MDN1: variants seen among roughly 807,000 people sequenced by gnomAD.
MDN1 encodes the protein midasin AAA ATPase 1, also known as midasin.
MDN1 carries 266 observed loss-of-function variants against 669.2 expected under a neutral mutation model. That is an observed-to-expected ratio of 0.40 (90% CI 0.36 to 0.44). The LOEUF (loss-of-function observed/expected upper bound fraction) is 0.44, where lower values mean the gene tolerates loss of function less well. Ranked by LOEUF, MDN1 falls within the 20% of genes least tolerant of loss-of-function variation. MDN1 has a pLI of 1.00. For missense variants in MDN1, 5,940 were observed against 6,754.0 expected, an observed-to-expected ratio of 0.88 and a Z score of 4.22; for synonymous variants, 2,385 against 2,457.1, an observed-to-expected ratio of 0.97 and a Z score of 0.87.
intron 38 of MDN1, among the ~76,000 whole-genome samples, chr6:89,724,034 T>C (rs1815025601): frequency 6.6e-6 from 1 of 151,662 alleles, no homozygotes; most frequent in East Asian, 2.0e-4. Flanking sequence ...TCTCAGCTAC[T>C]CAGGAGGCTG....
chr6:89,780,184 C>T (rs758573537), intron 11 of MDN1, 28 bp downstream of exon 11: 2 of 1,359,574 alleles, frequency 1.5e-6, no homozygotes, highest in South Asian at 1.4e-5. Context: ...AGAACCAAGA[C>T]AAAAAAGACT....
chr6:89,685,712 A>C, intron 70 of MDN1, 115 bp downstream of exon 70: 1 of 1,116,574 alleles, frequency 9.0e-7, no homozygotes, highest in South Asian at 1.6e-5. Context: ...AACATAACTA[A>C]ATGTGTCTTG....
chr6:89,706,120 G>A lies in MDN1; in HGVS notation c.8087C>T (p.Ala2696Val), dbSNP rs140674096. ...GGACTGTACCCAGAGCAGGACTAGT[G>A]CATCACAAAGTTCAAAAAAAGCAGC... ...NLAAFFELCD[A>V]LVLLWVQSSQ... Residue 2696 changes from alanine to valine, a missense_variant, in exon 53 of 102, where the codon GCA becomes GTA. Physicochemically the swap from Ala to Val is moderately conservative, Grantham distance 64. Coordinates refer to ENST00000369393, the MANE Select transcript of MDN1 (RefSeq NM_014611.3). 1.4e-5 allele frequency: 23 copies of A among 1,613,312 alleles called. No homozygotes were observed. Among genetic ancestry groups the A allele is most frequent in the African/African-American group, 5.3e-5 (4 of 74,888 alleles).
At chr6:89,729,275 C>T (rs1267135523) in intron 35 of MDN1, 136 bp from the exon 36 acceptor site, 2 of 690,446 alleles carry the variant, frequency 2.9e-6, no homozygotes, top group Non-Finnish European at 4.8e-6. Context: ...AATGTTCAAT[C>T]CCTATTTCAA....
chr6:89,799,025 G>A (rs1767460924), intron 2 of MDN1, among the ~76,000 whole-genome samples: 1 of 152,168 alleles, frequency 6.6e-6, no homozygotes, highest in South Asian at 2.1e-4. Context: ...TTCTTGGAGA[G>A]GAAGAAAAGT....
At position 89,662,145 on chromosome 6, in the gene MDN1, T is replaced by G. The variant is rs1465485671; in HGVS notation, c.14507A>C (p.Glu4836Ala). Reference sequence around the variant, plus strand: ...TTGTCCACCATCATCAGCTTCTGCTTCTTCCTTTTCTTCCTTCTTATCTTG... The same window carrying G: ...TTGTCCACCATCATCAGCTTCTGCTGCTTCCTTTTCTTCCTTCTTATCTTG... The part of the protein sequence containing the change: ...SQQDKKEEKE[E>A]AEADDGGQGE... The change falls in exon 87 of 102, where the codon GAA becomes GCA. Residue 4836 changes from glutamate (E) to alanine (A), a missense_variant. By Grantham distance (107) the Glu-to-Ala change is moderately radical. Around this residue, in one of 5 missense-constraint regions of MDN1, gnomAD observed 2,280 missense variants for 2,576.3 expected, o/e 0.88. Transcript: ENST00000369393. The G allele has an allele frequency of 1.9e-6, 3 of 1,614,072 alleles. No homozygotes were observed. The highest frequency in any genetic ancestry group is 1.7e-6 in the Non-Finnish European group (2 of 1,180,006).
At chr6:89,808,497 TCTC>T (rs1584403321) in intron 1 of MDN1, among the ~76,000 whole-genome samples, 2 of 152,244 alleles carry the variant, frequency 1.3e-5, no homozygotes, top group African/African-American at 2.4e-5. Flanking sequence ...GAGTTGAACA[TCTC>T]CTACACAGAA....
At chr6:89,720,179 A>G (rs939116713) in intron 40 of MDN1, among the ~76,000 whole-genome samples, 1 of 152,182 alleles carries the variant, frequency 6.6e-6, no homozygotes, top group Non-Finnish European at 1.5e-5. Flanking sequence ...GCAGCATAGG[A>G]AAGTGTTCCT....
chr6:89,766,880 G>A (rs1706508473), intron 15 of MDN1, among the ~76,000 whole-genome samples: 1 of 152,078 alleles, frequency 6.6e-6, no homozygotes, highest in African/African-American at 2.4e-5. Flanking sequence ...ATGAGGATTG[G>A]CTGCTTTATT....
intron 27 of MDN1, among the ~76,000 whole-genome samples, chr6:89,746,706 A>G (rs1289865368): frequency 1.3e-5 from 2 of 152,102 alleles, no homozygotes; most frequent in Admixed American, 1.3e-4. Context: ...GTAGAGAAAA[A>G]ATCTCTTGTA....
At position 89,662,908 on chromosome 6, in the gene MDN1, G is replaced by T; in HGVS notation, c.14296C>A (p.Leu4766Ile). ...GGDLDKHMGD[L>I]NGEEADKLDE... The stretch of plus-strand genomic sequence containing the variant: ...AGTTTGTCAGCTTCCTCACCATTGA[G>T]ATCGCCCATGTGTTTATCCAGGTCT... Residue 4766 changes from leucine (L) to isoleucine (I), a missense_variant, in exon 86 of 102, where the codon CTC (leucine) becomes ATC (isoleucine). By Grantham distance (5) the Leu-to-Ile change is conservative. Coordinates refer to ENST00000369393, the MANE Select transcript of MDN1 (RefSeq NM_014611.3). The T allele has an allele frequency of 6.2e-7, 1 of 1,614,008 alleles. No individual in the cohort carries two copies. The highest frequency in any genetic ancestry group is 8.5e-7 in the Non-Finnish European group (1 of 1,180,024).
At chr6:89,802,187 T>C (rs748142797) in intron 2 of MDN1, among the ~76,000 whole-genome samples, 2 of 152,156 alleles carry the variant, frequency 1.3e-5, no homozygotes, top group South Asian at 2.1e-4. Flanking sequence ...GATCTTTACT[T>C]GGCTGTATAT....
intron 56 of MDN1, 66 bp from the exon 57 acceptor site, chr6:89,700,360 C>A: frequency 7.8e-7 from 1 of 1,278,458 alleles, no homozygotes. Context: ...AGATTCTCAA[C>A]AACCTGCTAT....
chr6:89,656,786 C>T lies in MDN1; in HGVS notation c.15199G>A (p.Ala5067Thr), dbSNP rs1809336543. The change falls in exon 91 of 102, where the codon GCT becomes ACT. Residue 5067 changes from alanine to threonine, a missense_variant. By Grantham distance (58) the Ala-to-Thr change is moderately conservative. Coordinates refer to ENST00000369393, the MANE Select transcript of MDN1 (RefSeq NM_014611.3). ...EQGKEEHGSG[A>T]ADANQAEGHE... ...CCTTCTGCCTGGTTTGCATCTGCAG[C>T]TCCACTTCCGTGTTCCTAGGAAATC... 1 of 1,612,978 alleles carries T rather than the reference C, an allele frequency of 6.2e-7. No individual in the cohort carries two copies. The highest frequency in any genetic ancestry group is 1.3e-5 in the African/African-American group (1 of 74,836).
chr6:89,802,048 T>C (rs571488470), intron 2 of MDN1, among the ~76,000 whole-genome samples: 17 of 152,228 alleles, frequency 1.1e-4, no homozygotes, highest in Non-Finnish European at 2.2e-4. Context: ...CTGAGGGGAT[T>C]TGGGAGCACA....
In MDN1 at chr6:89,803,562, A is replaced by G; in HGVS notation, c.103-8T>C. ...ATCTTGAGGTGTCCACACCTGAGAA[A>G]GGCAAAACAAAACATCTTTCACTTT... On this transcript the variant is annotated splice_region_variant and splice_polypyrimidine_tract_variant and intron_variant, in intron 1 of 101. Coordinates refer to ENST00000369393, the MANE Select transcript of MDN1 (RefSeq NM_014611.3). 1 of 1,588,090 alleles carries G rather than the reference A, an allele frequency of 6.3e-7. No homozygotes were observed. Among genetic ancestry groups the G allele is most frequent in the Non-Finnish European group, 8.6e-7 (1 of 1,161,550 alleles).
Position 89,720,529 on chromosome 6 carries a change from T to C in MDN1, c.5968-1304A>G, listed in dbSNP as rs138777027. 6.1e-3 allele frequency among the ~76,000 whole-genome samples: 930 copies of C among 152,178 alleles called. 9 individuals are homozygous for C. Among genetic ancestry groups the C allele is most frequent in the African/African-American group, 0.02 (836 of 41,510 alleles). ...TATAACATTATTTTTCTTGACCTTG[T>C]CTCCCCCGCTAGAAAACACCTATAA... On this transcript the variant is annotated intron_variant, in intron 40 of 101. Coordinates refer to ENST00000369393, the MANE Select transcript of MDN1 (RefSeq NM_014611.3).
At chr6:89,773,980 A>C (rs1182137701) in intron 13 of MDN1, among the ~76,000 whole-genome samples, 5 of 151,978 alleles carry the variant, frequency 3.3e-5, no homozygotes, top group Non-Finnish European at 7.4e-5. Flanking sequence ...GAAAAAAAAA[A>C]AAAGAAAAGA....
intron 20 of MDN1, among the ~76,000 whole-genome samples, chr6:89,754,671 G>T (rs1201772512): frequency 6.6e-6 from 1 of 152,174 alleles, no homozygotes; most frequent in Non-Finnish European, 1.5e-5. Context: ...TTAAAAAGCA[G>T]GAGGATACGA....
Sources: allele counts gnomAD v4.1 joint callset (sites outside exome capture counted in the v4.1 genomes callset), GRCh38; gene constraint gnomAD v4.1.1; regional missense constraint gnomAD v4.1.1; transcripts MANE v1.5; gene names NCBI Gene and HGNC (gene_info 2026-07-23, HGNC 2026-07-21).